Variants in MAGI2 observed in about 807,000 individuals in gnomAD.
The protein encoded by MAGI2 is membrane-associated guanylate kinase, WW and PDZ domain-containing protein 2.
MAGI2 carries 35 observed loss-of-function variants against 133.3 expected under a neutral mutation model. That is an observed-to-expected ratio of 0.26 (90% confidence interval 0.20 to 0.35). The LOEUF is 0.35. Among genes scored for constraint, MAGI2 ranks in the 10% least tolerant of loss-of-function variants. The probability of loss-of-function intolerance (pLI) is 1.00; values close to 1 mark genes in which losing one functional copy is unlikely to be tolerated. For missense variants in MAGI2, 1,636 were observed against 1,863.4 expected, an observed-to-expected ratio of 0.88 and a Z score of 2.25; for synonymous variants, 729 against 710.6, an observed-to-expected ratio of 1.03 and a Z score of -0.41.
At chr7:78,020,962 G>A (rs1016198146) in intron 21 of MAGI2, among the ~76,000 whole-genome samples, 1 of 152,030 alleles carries the variant, frequency 6.6e-6, no homozygotes, top group Non-Finnish European at 1.5e-5. Flanking sequence ...CATTTACTTA[G>A]GATTTAAGTT....
At position 78,885,795 on chromosome 7, in the gene MAGI2, C is replaced by T. The variant is rs560313450; in HGVS notation, c.418+121295G>A. On this transcript the variant is annotated intron_variant, in intron 2 of 21. Coordinates refer to ENST00000354212, the MANE Select transcript of MAGI2 (RefSeq NM_012301.4). ...AGTAAAACTAATTTAAATCAGCATT[C>T]TTTACCATCTGCTGAGTATAACTCA... Among the ~76,000 whole-genome samples, 110 of 152,272 alleles carry T rather than the reference C, an allele frequency of 7.2e-4. 1 individual carries two copies. Among genetic ancestry groups the T allele is most frequent in the African/African-American group, 2.4e-3 (101 of 41,542 alleles).
chr7:78,207,649 T>C (rs1381342408), intron 10 of MAGI2, among the ~76,000 whole-genome samples: 1 of 152,192 alleles, frequency 6.6e-6, no homozygotes, highest in Non-Finnish European at 1.5e-5. Flanking sequence ...CCTGCAGTTC[T>C]TTGAGATAAT....
chr7:78,897,645 TG>T (rs1348759453), intron 2 of MAGI2, among the ~76,000 whole-genome samples: 4 of 152,334 alleles, frequency 2.6e-5, no homozygotes, highest in Non-Finnish European at 5.9e-5. Flanking sequence ...AATTTTAAAA[TG>T]TTTTTTTCTA....
chr7:78,097,475 A>C lies in MAGI2; in HGVS notation c.3568-18390T>G, dbSNP rs78434678. Among the ~76,000 whole-genome samples the C allele has an allele frequency of 6.9e-3, 1,053 of 152,328 alleles. 13 individuals are homozygous for C. Among genetic ancestry groups the C allele is most frequent in the African/African-American group, 0.024 (988 of 41,586 alleles). On this transcript the variant is annotated intron_variant, in intron 20 of 21. Transcript: ENST00000354212. The stretch of plus-strand genomic sequence containing the variant: ...TGGTACCTACACACCGTGGAATACC[A>C]TGCAGCCATAAAAAAGAATGAGATC...
chr7:79,399,543 A>G (rs1845321866), intron 1 of MAGI2, among the ~76,000 whole-genome samples: 1 of 152,056 alleles, frequency 6.6e-6, no homozygotes, highest in Admixed American at 6.6e-5. Context: ...ATTATAGGAA[A>G]TGCACACCCT....
intron 6 of MAGI2, among the ~76,000 whole-genome samples, chr7:78,424,659 T>C (rs1018951503): frequency 1.3e-5 from 2 of 152,162 alleles, no homozygotes; most frequent in Non-Finnish European, 2.9e-5. Flanking sequence ...CCCAAGACCG[T>C]GGGAACCCAC....
chr7:78,715,058 T>C lies in MAGI2; in HGVS notation c.419-87819A>G, dbSNP rs573731861. Reference sequence around the variant, plus strand: ...GTAGCCTTTGTTAAGGAGAGAGTCCTGTGTTTAGCATTGGCACTAAGGCTG... The same window carrying C: ...GTAGCCTTTGTTAAGGAGAGAGTCCCGTGTTTAGCATTGGCACTAAGGCTG... On this transcript the variant is annotated intron_variant, in intron 2 of 21. Coordinates refer to ENST00000354212, the MANE Select transcript of MAGI2 (RefSeq NM_012301.4). 1.1e-4 allele frequency among the ~76,000 whole-genome samples: 17 copies of C among 152,352 alleles called. 1 individual carries two copies. In the South Asian group the frequency reaches 3.5e-3, roughly 32 times the overall value.
chr7:78,643,098 T>C (rs573825104), intron 2 of MAGI2, among the ~76,000 whole-genome samples: 1 of 152,312 alleles, frequency 6.6e-6, no homozygotes, highest in East Asian at 1.9e-4. Flanking sequence ...ATTGTATACA[T>C]GTACCAAAAT....
intron 1 of MAGI2, among the ~76,000 whole-genome samples, chr7:79,037,314 T>A (rs1204959979): frequency 2.0e-5 from 3 of 152,174 alleles, no homozygotes; most frequent in Admixed American, 2.0e-4. Context: ...TGACCATAAT[T>A]ATACTTCTGG....
intron 2 of MAGI2, among the ~76,000 whole-genome samples, chr7:78,714,815 G>A (rs369248533): frequency 2.0e-5 from 3 of 152,176 alleles, no homozygotes; most frequent in South Asian, 2.1e-4. Flanking sequence ...GATGCTGAGC[G>A]ATGGAAGTCA....
In MAGI2 at chr7:78,132,933, C is replaced by A. The variant is rs201511382; in HGVS notation, c.3159G>T (p.Gln1053His). Residue 1053 changes from glutamine (Q) to histidine (H), a missense_variant, in exon 18 of 22, where the codon CAG becomes CAT. Transcript: ENST00000354212. ...SPATPNSPIA[Q>H]PAPPQPLQLQ... ...GCTGAAGTGGTTGAGGTGGTGCTGGCTGGGCGATGGGGCTGTTGGGGGTGG... is the reference window on the plus strand; with the variant it reads ...GCTGAAGTGGTTGAGGTGGTGCTGGATGGGCGATGGGGCTGTTGGGGGTGG... The A allele has an allele frequency of 1.2e-5, 20 of 1,613,906 alleles. No individual in the cohort carries two copies. The highest frequency in any genetic ancestry group is 1.6e-5 in the Non-Finnish European group (19 of 1,179,950).
At chr7:78,360,964 G>A (rs1329745179) in intron 7 of MAGI2, among the ~76,000 whole-genome samples, 1 of 152,164 alleles carries the variant, frequency 6.6e-6, no homozygotes, top group African/African-American at 2.4e-5. Context: ...CAAGGGGTCA[G>A]GGTCTGTGTA....
At chr7:79,207,299 A>G (rs1355397899) in intron 1 of MAGI2, among the ~76,000 whole-genome samples, 3 of 152,056 alleles carry the variant, frequency 2.0e-5, no homozygotes, top group Non-Finnish European at 4.4e-5. Context: ...TGCAGATGAC[A>G]TGGCCATATA....
chr7:78,138,017 A>G (rs1563170410), intron 16 of MAGI2, among the ~76,000 whole-genome samples: 1 of 152,248 alleles, frequency 6.6e-6, no homozygotes, highest in Non-Finnish European at 1.5e-5. Context: ...ACAAGTTTAC[A>G]GTAGAGGAAA....
chr7:78,200,814 T>C (rs949199598), intron 11 of MAGI2, among the ~76,000 whole-genome samples: 1 of 152,186 alleles, frequency 6.6e-6, no homozygotes, highest in African/African-American at 2.4e-5. Context: ...CTATAGTTTG[T>C]ATTGTTCCTA....
intron 6 of MAGI2, among the ~76,000 whole-genome samples, chr7:78,459,921 T>C (rs1789780397): frequency 6.6e-6 from 1 of 152,206 alleles, no homozygotes; most frequent in Non-Finnish European, 1.5e-5. Flanking sequence ...AATGCAGAAA[T>C]AGTGATGGCT....
chr7:78,524,275 G>A (rs1392650843), intron 3 of MAGI2, among the ~76,000 whole-genome samples: 1 of 152,138 alleles, frequency 6.6e-6, no homozygotes, highest in Admixed American at 6.5e-5. Context: ...AAAGGGCCTT[G>A]GAATGCTGGC....
At chr7:78,832,877 A>C (rs1376866722) in intron 2 of MAGI2, among the ~76,000 whole-genome samples, 1 of 152,158 alleles carries the variant, frequency 6.6e-6, no homozygotes, top group Admixed American at 6.5e-5. Flanking sequence ...TTCCTATCCC[A>C]GAAAGGCAGA....
intron 9 of MAGI2, among the ~76,000 whole-genome samples, chr7:78,290,007 A>AT (rs1216575054): frequency 6.6e-6 from 1 of 152,242 alleles, no homozygotes; most frequent in Non-Finnish European, 1.5e-5. Context: ...AAAGATGGAA[A>AT]TTGTAAAGAC....
Sources: allele counts gnomAD v4.1 joint callset (sites outside exome capture counted in the v4.1 genomes callset), GRCh38; gene constraint gnomAD v4.1.1; transcripts MANE v1.5; gene names NCBI Gene and HGNC (gene_info 2026-07-23, HGNC 2026-07-21).